PTPRU: variants seen among roughly 807,000 people sequenced by gnomAD.
PTPRU encodes the protein receptor-type tyrosine-protein phosphatase U.
Under a neutral mutation model 166.3 loss-of-function variants are expected in PTPRU, and 69 were observed. The observed-to-expected ratio is 0.41, with a 90% CI of 0.34 to 0.51. The LOEUF (loss-of-function observed/expected upper bound fraction) is 0.51. PTPRU is among the 20% of genes least tolerant of loss of function. The pLI is 0.09. For synonymous variants in PTPRU, 793 were observed against 814.0 expected, an observed-to-expected ratio of 0.97 and a Z score of 0.44; for missense variants, 1,657 against 2,013.7, an observed-to-expected ratio of 0.82 and a Z score of 3.39.
Position 29,279,043 on chromosome 1 carries a change from C to A in PTPRU, c.1485C>A (p.Thr495=), listed in dbSNP as rs200502248. 4.4e-5 allele frequency: 70 copies of A among 1,592,262 alleles called. No homozygotes were observed. The African/African-American group carries it at 6.8e-4, about 16-fold the overall frequency. ...VPSGIAAESL[T]FTPLEDMIFL... Reference sequence around the variant, plus strand: ...GTGGGATTGCAGCCGAGTCCCTGACCTTCACTCCACTGGAGGACATGATCT... The same window carrying A: ...GTGGGATTGCAGCCGAGTCCCTGACATTCACTCCACTGGAGGACATGATCT... The change falls in exon 9 of 30, where the codon ACC becomes ACA. Residue 495 remains threonine, a synonymous_variant. Coordinates refer to ENST00000373779, the MANE Select transcript of PTPRU (RefSeq NM_133178.4). The surrounding 1 kb of genome is among the most constrained non-coding windows in gnomAD (Gnocchi z 5.2).
Position 29,259,997 on chromosome 1 carries a change from C to A in PTPRU, c.803C>A (p.Ala268Asp). Residue 268 changes from alanine (A) to aspartate (D), a missense_variant, in exon 6 of 30, where the codon GCC becomes GAC. By Grantham distance (126) the Ala-to-Asp change is moderately radical. Transcript: ENST00000373779. Reference protein sequence around the residue: ...EQDLYRCVSQAPRGAGVSNFA... With the variant: ...EQDLYRCVSQDPRGAGVSNFA... ...GACCTGTACCGCTGTGTGTCCCAGG[C>A]CCCGCGCGGCGCGGGCGTCTCTAAC... The A allele has an allele frequency of 6.6e-7, 1 of 1,505,162 alleles. No individual in the cohort carries two copies. The highest frequency in any genetic ancestry group is 8.8e-7 in the Non-Finnish European group (1 of 1,136,232). The allele number at this position is 1,505,162 out of a possible 1,614,324, so 93.2% of individuals were successfully genotyped here.
At position 29,258,663 on chromosome 1, in the gene PTPRU, C is replaced by A; in HGVS notation, c.364C>A (p.Arg122Ser). The A allele has an allele frequency of 9.9e-6, 16 of 1,614,206 alleles. No individual in the cohort carries two copies. Among genetic ancestry groups the A allele is most frequent in the Non-Finnish European group, 1.4e-5 (16 of 1,180,022 alleles). The change falls in exon 3 of 30, where the codon CGC (arginine) becomes AGC (serine). Residue 122 changes from arginine to serine, a missense_variant. This residue lies in a region of PTPRU where 453 missense variants were observed against 496.9 expected (regional missense o/e 0.91). Coordinates refer to ENST00000373779, the MANE Select transcript of PTPRU (RefSeq NM_133178.4). ...HSPGTLGVYVRVNGGPLGSAV... is the reference protein window; with the variant it reads ...HSPGTLGVYVSVNGGPLGSAV... ...CCCGGGCACCCTGGGCGTCTACGTGCGCGTTAATGGGGGCCCCCTGGGCAG... is the reference window on the plus strand; with the variant it reads ...CCCGGGCACCCTGGGCGTCTACGTGAGCGTTAATGGGGGCCCCCTGGGCAG...
rs1474656539 is a variant in PTPRU at position 29,236,832 on chromosome 1, T to G, written c.73+115T>G. 4.9e-6 allele frequency: 5 copies of G among 1,023,708 alleles called. No individual in the cohort carries two copies. Among genetic ancestry groups the G allele is most frequent in the Admixed American group, 4.3e-5 (1 of 23,046 alleles). 63.4% of individuals were successfully genotyped at this position (1,023,708 alleles called of 1,614,324 possible). A position where few individuals can be genotyped will look rare whatever the true frequency, so the allele number is the denominator to read the frequency against. On this transcript the variant is annotated intron_variant, in intron 1 of 29. Coordinates refer to ENST00000373779, the MANE Select transcript of PTPRU (RefSeq NM_133178.4). The surrounding 1 kb of genome is among the most constrained non-coding windows in gnomAD (Gnocchi z 4.6). ...GGGCGTTACGAGCGTGCTCCCTGTG[T>G]GTGTCTGAGCGTAGGATGGGCGATT...
At chr1:29,316,263 G>A (rs1376142971) in intron 24 of PTPRU, 112 bp downstream of exon 24, 14 of 1,291,920 alleles carry the variant, frequency 1.1e-5, no homozygotes, top group Non-Finnish European at 9.6e-6. Flanking sequence ...ACCAGCCTGA[G>A]GCCACAGCTG....
rs1338371511 is a variant in PTPRU, at chr1:29,255,375, T to C, written c.174T>C (p.Pro58=). ...DFQWEQVRIH[P]GTRAPADLPH... is the part of the protein sequence containing the mutation. ...AGTGGGAGCAAGTGCGAATCCACCC[T>C]GGCACCCGGGCACCTGCGGACCTGC... Residue 58 remains proline, a synonymous_variant, in exon 2 of 30, where the codon CCT becomes CCC. Coordinates refer to ENST00000373779, the MANE Select transcript of PTPRU (RefSeq NM_133178.4). 6.2e-7 allele frequency: 1 copy of C among 1,614,038 alleles called. No homozygotes were observed. The highest frequency in any genetic ancestry group is 8.5e-7 in the Non-Finnish European group (1 of 1,180,026).
intron 7 of PTPRU, among the ~76,000 whole-genome samples, chr1:29,268,453 A>G (rs549808243): frequency 6.6e-6 from 1 of 152,340 alleles, no homozygotes; most frequent in South Asian, 2.1e-4. Flanking sequence ...GCTGCTAAAC[A>G]TCCTACAATG....
intron 15 of PTPRU, among the ~76,000 whole-genome samples, chr1:29,302,225 T>A (rs1392724542): frequency 3.6e-5 from 5 of 140,702 alleles, no homozygotes; most frequent in East Asian, 5.5e-4. Context: ...CGAAAAAAAA[T>A]TTTAAATAGA....
At chr1:29,312,184 T>C (rs2151967011) in intron 21 of PTPRU, among the ~76,000 whole-genome samples, 1 of 152,322 alleles carries the variant, frequency 6.6e-6, no homozygotes, top group Non-Finnish European at 1.5e-5. Flanking sequence ...TGTAAAGTCC[T>C]CAGAGGAAAG....
At chr1:29,309,026 G>A (rs1687531120) in intron 18 of PTPRU, among the ~76,000 whole-genome samples, 1 of 152,192 alleles carries the variant, frequency 6.6e-6, no homozygotes, top group South Asian at 2.1e-4. Flanking sequence ...ACGTGGAGAA[G>A]TTCCAGTGCT....
intron 1 of PTPRU, among the ~76,000 whole-genome samples, chr1:29,245,143 TTGTC>T (rs1034528869): frequency 2.6e-5 from 4 of 152,184 alleles, no homozygotes; most frequent in Non-Finnish European, 5.9e-5. Flanking sequence ...TGTACTTTAA[TTGTC>T]TGAGAGCTTT....
At chr1:29,250,049 T>TC (rs1684481167) in intron 1 of PTPRU, among the ~76,000 whole-genome samples, 1 of 73,394 alleles carries the variant, frequency 1.4e-5, no homozygotes, top group Admixed American at 1.2e-4. Context: ...CTCCCCTGGG[T>TC]CTTTTGCCAC....
At chr1:29,246,622 T>A (rs1012779131) in intron 1 of PTPRU, among the ~76,000 whole-genome samples, 3 of 147,976 alleles carry the variant, frequency 2.0e-5, no homozygotes. Flanking sequence ...CAGCATCTAT[T>A]TTTTTTTTTT....
chr1:29,282,471 G>C (rs550802855), intron 11 of PTPRU, among the ~76,000 whole-genome samples: 26 of 152,316 alleles, frequency 1.7e-4, no homozygotes, highest in African/African-American at 6.0e-4. Context: ...TCTATCTTCT[G>C]AACAGTCTTG....
In PTPRU at chr1:29,237,127, CTGTT is replaced by C. The variant is rs1488936749; in HGVS notation, c.73+416_73+419del. 6.6e-6 allele frequency among the ~76,000 whole-genome samples: 1 copy of C among 151,922 alleles called. No individual in the cohort carries two copies. The highest frequency in any genetic ancestry group is 1.5e-5 in the Non-Finnish European group (1 of 68,012). ...CATTTTGTATGCCTGGCCGGGAGTG[CTGTT>C]TGTTTTGTGTCTGCGAGTGGGTTGT... On this transcript the variant is annotated intron_variant, in intron 1 of 29. Coordinates refer to ENST00000373779, the MANE Select transcript of PTPRU (RefSeq NM_133178.4). This position sits in a 1 kb window ranked among gnomAD's most constrained non-coding sequence, Gnocchi z 6.4.
Position 29,260,132 on chromosome 1 carries a change from C to CGGGGGGGGGTGG in PTPRU, c.850+88_850+89insGGGGGGGGGTGG. On this transcript the variant is annotated intron_variant, in intron 6 of 29. Transcript: ENST00000373779. The surrounding 1 kb of genome is among the most constrained non-coding windows in gnomAD (Gnocchi z 8.3). ...GGGCGGGCTCTGCCCGGGGGCGTGG[C>CGGGGGGGGGTGG]CGTGGGGGGTGGGGCCGGCAGGGTG... The CGGGGGGGGGTGG allele has an allele frequency of 8.0e-7, 1 of 1,251,820 alleles. No homozygotes were observed. Among genetic ancestry groups the CGGGGGGGGGTGG allele is most frequent in the East Asian group, 3.3e-5 (1 of 30,086 alleles). 77.5% of individuals were successfully genotyped at this position (1,251,820 alleles called of 1,614,324 possible).
At position 29,315,056 on chromosome 1, in the gene PTPRU, A is replaced by G. The variant is rs1038978003; in HGVS notation, c.3228-316A>G. ...CAGGAGGAAAGAACATTCTTGAATT[A>G]GCTCGGAGGATCATCATTCCTGTTC... On this transcript the variant is annotated intron_variant, in intron 22 of 29. Transcript: ENST00000373779. The surrounding 1 kb of genome is among the most constrained non-coding windows in gnomAD (Gnocchi z 4.5). Among the ~76,000 whole-genome samples, 1 of 152,174 alleles carries G rather than the reference A, an allele frequency of 6.6e-6. No individual in the cohort carries two copies. Among genetic ancestry groups the G allele is most frequent in the African/African-American group, 2.4e-5 (1 of 41,436 alleles).
chr1:29,306,533 C>T (rs987738351), intron 18 of PTPRU, among the ~76,000 whole-genome samples: 1 of 152,210 alleles, frequency 6.6e-6, no homozygotes, highest in East Asian at 1.9e-4. Flanking sequence ...AGAGAGATCA[C>T]ACAGCTTGAG....
chr1:29,291,723 C>A lies in PTPRU; in HGVS notation c.2319-146C>A, dbSNP rs1464777848. The A allele has an allele frequency of 1.2e-6, 1 of 846,788 alleles. No homozygotes were observed. The highest frequency in any genetic ancestry group is 1.8e-6 in the Non-Finnish European group (1 of 543,176). The allele number at this position is 846,788 out of a possible 1,614,324, so 52.5% of individuals were successfully genotyped here. On this transcript the variant is annotated intron_variant, in intron 14 of 29. Coordinates refer to ENST00000373779, the MANE Select transcript of PTPRU (RefSeq NM_133178.4). The surrounding 1 kb of genome is among the most constrained non-coding windows in gnomAD (Gnocchi z 4.1). ...GGGTCTAATGAGTGAAGGATGGGGGCAGAGCCCTCAGCATCCAGAGATGCT... is the reference window on the plus strand; with the variant it reads ...GGGTCTAATGAGTGAAGGATGGGGGAAGAGCCCTCAGCATCCAGAGATGCT...
rs1468229829 is a variant in PTPRU, at chr1:29,255,446, T to G, written c.205+40T>G. ...CATCGCCATTACCCCTTCTTCTCCT[T>G]CCAGAGGCACTTCTACCCACCTGCT... On this transcript the variant is annotated intron_variant, in intron 2 of 29. Transcript: ENST00000373779. 4 of 1,606,648 alleles carry G rather than the reference T, an allele frequency of 2.5e-6. 1 individual carries two copies. In the South Asian group the frequency reaches 4.4e-5, roughly 18 times the overall value.
Sources: gnomAD v4.1 joint callset for allele counts (sites outside exome capture counted in the v4.1 genomes callset) on GRCh38, gnomAD v4.1.1 for gene constraint, gnomAD v4.1.1 regional missense constraint, Gnocchi (gnomAD v3.1) non-coding constraint, MANE v1.5 for transcripts, NCBI Gene and HGNC (gene_info 2026-07-23, HGNC 2026-07-21) for gene names.